Variants in PCSK2 observed in about 807,000 individuals in gnomAD.
The protein encoded by PCSK2 is neuroendocrine convertase 2.
Under a neutral mutation model 69.7 loss-of-function variants are expected in PCSK2, and 14 were observed. That is an observed-to-expected ratio of 0.20 (90% confidence interval 0.13 to 0.31). The LOEUF (loss-of-function observed/expected upper bound fraction) is 0.31, where lower values mean the gene tolerates loss of function less well. PCSK2 is among the 10% of genes least tolerant of loss of function. The probability of loss-of-function intolerance (pLI) is 1.00; values close to 1 mark genes in which losing one functional copy is unlikely to be tolerated. For synonymous variants in PCSK2, 307 were observed against 320.7 expected (o/e 0.96, Z 0.46); for missense variants, 544 against 842.5 (o/e 0.65, Z 4.39).
intron 2 of PCSK2, among the ~76,000 whole-genome samples, chr20:17,325,090 C>G (rs1364965382): frequency 6.6e-6 from 1 of 152,110 alleles, no homozygotes; most frequent in Non-Finnish European, 1.5e-5. Context: ...TCAGATCCCC[C>G]ACAAATGCAT....
At chr20:17,294,685 T>C (rs1280458654) in intron 2 of PCSK2, among the ~76,000 whole-genome samples, 3 of 152,226 alleles carry the variant, frequency 2.0e-5, no homozygotes, top group Non-Finnish European at 4.4e-5. Flanking sequence ...TTTTTCCCCC[T>C]TGTCTAAAAG....
chr20:17,419,095 T>G (rs1341207878), intron 6 of PCSK2, among the ~76,000 whole-genome samples: 1 of 152,260 alleles, frequency 6.6e-6, no homozygotes, highest in African/African-American at 2.4e-5. Flanking sequence ...ACATCTCTCC[T>G]AGGTTTTCCT....
chr20:17,396,825 G>T (rs1032795299), intron 5 of PCSK2, among the ~76,000 whole-genome samples: 1 of 152,080 alleles, frequency 6.6e-6, no homozygotes, highest in Non-Finnish European at 1.5e-5. Flanking sequence ...TTGCCATGTT[G>T]CCCAGGCTGA....
At chr20:17,356,373 C>A (rs1194258504) in intron 2 of PCSK2, among the ~76,000 whole-genome samples, 1 of 152,126 alleles carries the variant, frequency 6.6e-6, no homozygotes, top group Non-Finnish European at 1.5e-5. Flanking sequence ...ACACTTAACA[C>A]TTGTTTTCCA....
intron 2 of PCSK2, among the ~76,000 whole-genome samples, chr20:17,280,371 T>C (rs183945565): frequency 3.3e-5 from 5 of 152,360 alleles, no homozygotes; most frequent in Non-Finnish European, 7.3e-5. Context: ...TGCACAAATA[T>C]AATTGTTTCT....
rs773397818 is a variant in PCSK2 at position 17,453,780 on chromosome 20, C to T, written c.924C>T (p.Ser308=). 5 of 1,613,958 alleles carry T rather than the reference C, an allele frequency of 3.1e-6. No individual in the cohort carries two copies. The South Asian group carries it at 4.4e-5, about 14-fold the overall frequency. ...AAGGCAGCATCTACGTGTGGGCCTC[C>T]GGGGACGGCGGCAGCTATGACGACT... ...GGKGSIYVWA[S]GDGGSYDDCN... The change falls in exon 9 of 12, where the codon TCC becomes TCT. Residue 308 remains serine, a synonymous_variant. Coordinates refer to ENST00000262545, the MANE Select transcript of PCSK2 (RefSeq NM_002594.5). This position sits in a 1 kb window ranked among gnomAD's most constrained non-coding sequence, Gnocchi z 4.0.
intron 6 of PCSK2, among the ~76,000 whole-genome samples, chr20:17,426,020 T>C (rs2032241106): frequency 6.6e-6 from 1 of 152,088 alleles, no homozygotes; most frequent in Admixed American, 6.6e-5. Context: ...ACAAAAACCA[T>C]GTTACAGAGT....
intron 2 of PCSK2, among the ~76,000 whole-genome samples, chr20:17,307,868 G>A (rs1027936386): frequency 2.0e-5 from 3 of 152,166 alleles, no homozygotes; most frequent in Non-Finnish European, 4.4e-5. Context: ...ATAAAGAAAC[G>A]AGGTTTAATT....
intron 2 of PCSK2, among the ~76,000 whole-genome samples, chr20:17,272,975 G>A (rs1987928252): frequency 6.6e-6 from 1 of 152,036 alleles, no homozygotes; most frequent in African/African-American, 2.4e-5. Flanking sequence ...CCAGTCCCTT[G>A]AGGCAATTTG....
At chr20:17,366,352 T>A (rs1186468185) in intron 4 of PCSK2, among the ~76,000 whole-genome samples, 1 of 152,220 alleles carries the variant, frequency 6.6e-6, no homozygotes, top group Non-Finnish European at 1.5e-5. Context: ...CAAGTCTTTG[T>A]CATTTCTGTG....
chr20:17,291,059 C>A (rs1032582126), intron 2 of PCSK2, among the ~76,000 whole-genome samples: 1 of 151,894 alleles, frequency 6.6e-6, no homozygotes, highest in Non-Finnish European at 1.5e-5. Context: ...TAAATTTCAA[C>A]CTGAGTTTAG....
chr20:17,395,135 CACG>C (rs1399107827), intron 5 of PCSK2, among the ~76,000 whole-genome samples: 2 of 152,128 alleles, frequency 1.3e-5, no homozygotes, highest in Non-Finnish European at 2.9e-5. Flanking sequence ...CTCCCAAGGT[CACG>C]ACACTCTATT....
At chr20:17,380,368 G>A (rs1284725706) in intron 5 of PCSK2, among the ~76,000 whole-genome samples, 1 of 152,004 alleles carries the variant, frequency 6.6e-6, no homozygotes, top group Non-Finnish European at 1.5e-5. Context: ...TTGCCACATG[G>A]GGCCCTTTCA....
intron 2 of PCSK2, among the ~76,000 whole-genome samples, chr20:17,344,400 T>C (rs1055432806): frequency 3.3e-5 from 5 of 152,168 alleles, no homozygotes; most frequent in African/African-American, 1.2e-4. Context: ...CCATTGGCAA[T>C]GCATGAAATA....
chr20:17,278,538 G>A (rs150878326), intron 2 of PCSK2, among the ~76,000 whole-genome samples: 24,028 of 152,014 alleles, frequency 0.16, 2,306 homozygotes, highest in Non-Finnish European at 0.22. Flanking sequence ...CATGGACACA[G>A]GAAGGGGAAC....
At position 17,289,705 on chromosome 20, in the gene PCSK2, AT is replaced by A. The variant is rs543913513; in HGVS notation, c.282+29369del. Among the ~76,000 whole-genome samples, 127 of 151,782 alleles carry A rather than the reference AT, an allele frequency of 8.4e-4. 1 individual carries two copies. The highest frequency in any genetic ancestry group is 1.4e-3 in the Non-Finnish European group (93 of 67,848). On this transcript the variant is annotated intron_variant, in intron 2 of 11. Coordinates refer to ENST00000262545, the MANE Select transcript of PCSK2 (RefSeq NM_002594.5). ...TATATCTTTTCAGTGTTTTGTCTCT[AT>A]TTTTTTTATTTTACAAAGCTGACTT...
chr20:17,260,536 G>T (rs909669433), intron 2 of PCSK2, among the ~76,000 whole-genome samples, 192 bp downstream of exon 2: 1 of 152,162 alleles, frequency 6.6e-6, no homozygotes, highest in Non-Finnish European at 1.5e-5. Flanking sequence ...ATAATCACAG[G>T]CCCCTTTGTA....
intron 2 of PCSK2, among the ~76,000 whole-genome samples, chr20:17,311,787 A>G (rs1044399504): frequency 6.6e-6 from 1 of 152,212 alleles, no homozygotes; most frequent in Non-Finnish European, 1.5e-5. Flanking sequence ...ACAAGACATC[A>G]AACAATGGCT....
At position 17,380,033 on chromosome 20, in the gene PCSK2, G is replaced by A. The variant is rs113410076; in HGVS notation, c.543+10756G>A. On this transcript the variant is annotated intron_variant, in intron 5 of 11. Coordinates refer to ENST00000262545, the MANE Select transcript of PCSK2 (RefSeq NM_002594.5). ...CTCCTACAACCACAAACAACTGAAT[G>A]AACTTGAAAGAGGACCCCAAGCCCT... Among the ~76,000 whole-genome samples, 1,367 of 152,256 alleles carry A rather than the reference G, an allele frequency of 9.0e-3. 8 individuals are homozygous for A. Among genetic ancestry groups the A allele is most frequent in the South Asian group, 0.015 (72 of 4,818 alleles).
Sources: allele counts gnomAD v4.1 joint callset (sites outside exome capture counted in the v4.1 genomes callset), GRCh38; gene constraint gnomAD v4.1.1; non-coding constraint Gnocchi (gnomAD v3.1); transcripts MANE v1.5; gene names NCBI Gene and HGNC (gene_info 2026-07-23, HGNC 2026-07-21).